TENM2: variants seen among roughly 807,000 people sequenced by gnomAD.
The protein encoded by TENM2 is teneurin transmembrane protein 2.
In TENM2, 52 loss-of-function variants were observed where a neutral mutation model predicts 245.2. The ratio of observed to expected loss-of-function variants is 0.21; its 90% CI spans 0.17 to 0.27. The LOEUF is 0.27. Among genes scored for constraint, TENM2 ranks in the 10% least tolerant of loss-of-function variants. The probability of loss-of-function intolerance (pLI) is 1.00; values close to 1 mark genes in which losing one functional copy is unlikely to be tolerated. For missense variants in TENM2, 3,046 were observed against 3,666.8 expected (o/e 0.83, Z 4.37); for synonymous variants, 1,363 against 1,438.9 (o/e 0.95, Z 1.19).
intron 2 of TENM2, among the ~76,000 whole-genome samples, chr5:167,377,683 A>C (rs776915942): frequency 6.6e-6 from 1 of 152,328 alleles, no homozygotes; most frequent in Non-Finnish European, 1.5e-5. Context: ...TAACTTCAGT[A>C]AACTTCTTGC....
chr5:167,297,490 T>C (rs1755012752), intron 1 of TENM2: 1 of 152,182 alleles, frequency 6.6e-6, no homozygotes, highest in African/African-American at 2.4e-5. Context: ...AGGTAACAGT[T>C]GATTATGTTA....
At chr5:167,279,146 G>A in the TENM2 span, among the ~76,000 whole-genome samples, 135,485 of 152,198 alleles carry the variant, frequency 0.89, 60,760 homozygotes, top group East Asian at 0.97. Flanking sequence ...GTCCACTTTC[G>A]TTCAGATCAT....
At chr5:167,435,965 CTTTTTTTTTCTTTT>C (rs1465837469) in intron 2 of TENM2, among the ~76,000 whole-genome samples, 1 of 125,970 alleles carries the variant, frequency 7.9e-6, no homozygotes, top group African/African-American at 3.1e-5. Flanking sequence ...ATTTCTTTTT[CTTTTTTTTTCTTTT>C]TTTTTTTTTT....
chr5:167,816,035 CAGAA>C (rs1213642596), intron 2 of TENM2, among the ~76,000 whole-genome samples: 2 of 150,880 alleles, frequency 1.3e-5, no homozygotes, highest in Non-Finnish European at 3.0e-5. Flanking sequence ...TAGAATAACT[CAGAA>C]AGAGAGAGTT....
At chr5:167,073,449 T>TA in the TENM2 span, among the ~76,000 whole-genome samples, 1 of 152,182 alleles carries the variant, frequency 6.6e-6, no homozygotes, top group Non-Finnish European at 1.5e-5. Context: ...GGGCACAAAA[T>TA]AGGGCTTTTC....
intron 2 of TENM2, among the ~76,000 whole-genome samples, chr5:167,801,561 G>A (rs1464870902): frequency 1.3e-5 from 2 of 152,124 alleles, no homozygotes; most frequent in South Asian, 2.1e-4. Flanking sequence ...AAAGTCCCAT[G>A]TTGGAGAAGA....
intron 13 of TENM2, among the ~76,000 whole-genome samples, chr5:168,173,751 T>A (rs1043281507): frequency 2.0e-5 from 3 of 152,062 alleles, no homozygotes; most frequent in Admixed American, 2.0e-4. Flanking sequence ...ACTAAAGCTG[T>A]CACTGCAGAG....
intron 5 of TENM2, among the ~76,000 whole-genome samples, chr5:167,996,719 T>TTTGTTTGTTTGTTTGTTTG: frequency 1.3e-5 from 2 of 150,986 alleles, no homozygotes; most frequent in East Asian, 3.9e-4. Flanking sequence ...TTGAATCACT[T>TTTGTTTGTTTGTTTGTTTG]TTTGTTTGTT....
chr5:168,167,228 C>A (rs1758380346), intron 13 of TENM2, among the ~76,000 whole-genome samples: 1 of 152,104 alleles, frequency 6.6e-6, no homozygotes, highest in Non-Finnish European at 1.5e-5. Context: ...TTAATTATCA[C>A]CACCAAGACA....
chr5:167,654,496 C>T (rs17509347), intron 2 of TENM2, among the ~76,000 whole-genome samples: 1,705 of 152,132 alleles, frequency 0.011, 21 homozygotes, highest in South Asian at 0.032. Flanking sequence ...ACGTGTTAGG[C>T]GAACTCGAAA....
chr5:167,780,147 A>G (rs1017011993), intron 2 of TENM2, among the ~76,000 whole-genome samples: 1 of 152,110 alleles, frequency 6.6e-6, no homozygotes, highest in Non-Finnish European at 1.5e-5. Context: ...CACTGATTAC[A>G]CTCTATCAGC....
the TENM2 span, among the ~76,000 whole-genome samples, chr5:167,055,385 G>C: frequency 2.0e-5 from 3 of 151,956 alleles, no homozygotes; most frequent in Admixed American, 6.6e-5. Context: ...TATTTATTCT[G>C]TCCCATTGAT....
chr5:167,458,604 A>G (rs906260601), intron 2 of TENM2, among the ~76,000 whole-genome samples: 1 of 152,050 alleles, frequency 6.6e-6, no homozygotes, highest in Non-Finnish European at 1.5e-5. Flanking sequence ...AGTAAAGCTG[A>G]CGTCATGCAT....
At chr5:167,857,560 A>G (rs1771205264) in intron 2 of TENM2, among the ~76,000 whole-genome samples, 1 of 152,124 alleles carries the variant, frequency 6.6e-6, no homozygotes, top group African/African-American at 2.4e-5. Context: ...TGATCTGGAC[A>G]TGCTTCCCAT....
In TENM2 at chr5:167,966,132, C is replaced by T. The variant is rs141728389; in HGVS notation, c.947+13310C>T. The stretch of plus-strand genomic sequence containing the variant: ...TGAAGCTCTGAGGAATTGGTGGCAA[C>T]CCGGATGGTAAATCTGAGGCCTCAC... On this transcript the variant is annotated intron_variant, in intron 4 of 28. Transcript: ENST00000518659. Among the ~76,000 whole-genome samples the T allele has an allele frequency of 1.5e-3, 224 of 152,270 alleles. 4 individuals are homozygous for T. The East Asian group carries it at 0.031, about 21-fold the overall frequency.
intron 2 of TENM2, among the ~76,000 whole-genome samples, chr5:167,401,166 G>A (rs1045287317): frequency 6.6e-5 from 10 of 152,048 alleles, no homozygotes; most frequent in African/African-American, 9.7e-5. Context: ...CGAACACTAC[G>A]TCCTGTACAT....
At chr5:167,333,864 C>A (rs1748025134) in intron 1 of TENM2, among the ~76,000 whole-genome samples, 1 of 152,060 alleles carries the variant, frequency 6.6e-6, no homozygotes, top group African/African-American at 2.4e-5. Flanking sequence ...GGTACCTTGG[C>A]TTCACTCTGT....
rs113507151 is a variant in TENM2 at position 167,551,281 on chromosome 5, C to T, written c.502+175808C>T. ...CCTTTTCTAGGCCCTGAGAATGAAG[C>T]GGTGAACAAGAAATACAAGATTGCT... On this transcript the variant is annotated intron_variant, in intron 2 of 28. Coordinates refer to ENST00000518659, the Ensembl canonical transcript of TENM2. 1.2e-3 allele frequency among the ~76,000 whole-genome samples: 188 copies of T among 152,198 alleles called. 1 individual carries two copies. Among genetic ancestry groups the T allele is most frequent in the African/African-American group, 4.2e-3 (176 of 41,544 alleles).
At chr5:167,535,074 G>A (rs1381316435) in intron 2 of TENM2, among the ~76,000 whole-genome samples, 3 of 152,062 alleles carry the variant, frequency 2.0e-5, no homozygotes, top group African/African-American at 7.2e-5. Context: ...GTGAGTCCAA[G>A]TTGGGATAAC....
Sources: allele counts gnomAD v4.1 joint callset (sites outside exome capture counted in the v4.1 genomes callset), GRCh38; gene constraint gnomAD v4.1.1; transcripts MANE v1.5; gene names NCBI Gene and HGNC (gene_info 2026-07-23, HGNC 2026-07-21).